The following CAMK2B variants were observed in gnomAD, a reference collection of about 807,000 sequenced individuals.
CAMK2B encodes the protein calcium/calmodulin-dependent protein kinase type II subunit beta.
Under a neutral mutation model 93.7 loss-of-function variants are expected in CAMK2B, and 27 were observed. The observed-to-expected ratio is 0.29, with a 90% CI of 0.21 to 0.40. The LOEUF is 0.40. CAMK2B is among the 10% of genes least tolerant of loss of function. The pLI is 1.00. For synonymous variants in CAMK2B, 374 were observed against 358.8 expected, an observed-to-expected ratio of 1.04 and a Z score of -0.48; for missense variants, 568 against 895.8, an observed-to-expected ratio of 0.63 and a Z score of 4.67.
At chr7:44,289,360 G>GA (rs1418112917) in intron 1 of CAMK2B, among the ~76,000 whole-genome samples, 7 of 152,236 alleles carry the variant, frequency 4.6e-5, no homozygotes, top group Non-Finnish European at 8.8e-5. Flanking sequence ...AGGGCCCAGA[G>GA]AGCAGGAAGG....
At chr7:44,317,476 G>A (rs1341506781) in intron 1 of CAMK2B, among the ~76,000 whole-genome samples, 1 of 152,110 alleles carries the variant, frequency 6.6e-6, no homozygotes, top group African/African-American at 2.4e-5. Context: ...TGTACAGATG[G>A]GGTTTTGCCA....
chr7:44,254,268 C>A (rs1370453492), intron 5 of CAMK2B, among the ~76,000 whole-genome samples: 2 of 152,240 alleles, frequency 1.3e-5, no homozygotes, highest in Non-Finnish European at 2.9e-5. Flanking sequence ...TGGATAGAGC[C>A]CAAGTTCCTC....
intron 1 of CAMK2B, among the ~76,000 whole-genome samples, chr7:44,297,189 T>C (rs1408821710): frequency 6.6e-6 from 1 of 152,228 alleles, no homozygotes; most frequent in Admixed American, 6.5e-5. Context: ...TTTGCATTAC[T>C]TCACTACATG....
At chr7:44,325,793 ACACCCTTGCCCCG>A (rs1797391856), upstream of CAMK2B, 1 of 138,702 alleles carries the variant, frequency 7.2e-6, no homozygotes, top group African/African-American at 2.8e-5. Context: ...CCCTGCACAC[ACACCCTTGCCCCG>A]CACCCGCAAC....
rs531823121 is a variant in CAMK2B, at chr7:44,253,906, T to G, written c.341+636A>C. ...AGCTACCATGCCTGGCCTCAGTTTT[T>G]TTTTTTTTTTTTTTTAAATACACAT... On this transcript the variant is annotated intron_variant, in intron 5 of 23. Coordinates refer to ENST00000395749, the MANE Select transcript of CAMK2B (RefSeq NM_001220.5). Among the ~76,000 whole-genome samples the G allele has an allele frequency of 2.9e-3, 435 of 149,768 alleles. 1 individual carries two copies. Among genetic ancestry groups the G allele is most frequent in the African/African-American group, 0.01 (412 of 41,056 alleles).
At chr7:44,301,980 C>G (rs1404207553) in intron 1 of CAMK2B, among the ~76,000 whole-genome samples, 2 of 151,794 alleles carry the variant, frequency 1.3e-5, no homozygotes, top group Non-Finnish European at 2.9e-5. Flanking sequence ...TTGAGAAGAT[C>G]AATAAAATTG....
upstream of CAMK2B, chr7:44,325,908 C>T (rs1797421474): frequency 7.1e-6 from 1 of 141,598 alleles, no homozygotes; most frequent in Non-Finnish European, 1.5e-5. Flanking sequence ...CTGACGCCTT[C>T]ATCCTCTACC....
intron 1 of CAMK2B, among the ~76,000 whole-genome samples, chr7:44,309,985 C>G (rs1253960909): frequency 6.6e-6 from 1 of 152,344 alleles, no homozygotes; most frequent in East Asian, 1.9e-4. Flanking sequence ...GCGGGAAGAG[C>G]CTTTCCGCCG....
At chr7:44,258,250 T>C (rs2096850771) in intron 4 of CAMK2B, among the ~76,000 whole-genome samples, 1 of 151,950 alleles carries the variant, frequency 6.6e-6, no homozygotes, top group Non-Finnish European at 1.5e-5. Flanking sequence ...TACACATGCA[T>C]GCACACACAT....
rs188734863 is a variant in CAMK2B, at chr7:44,225,117, C to T, written c.1597+1399G>A. ...GAAGGTGAGCCTGGACACCGAGCCCCGAGCTGGCCACTCCACACCCACCCT... is the reference window on the plus strand; with the variant it reads ...GAAGGTGAGCCTGGACACCGAGCCCTGAGCTGGCCACTCCACACCCACCCT... On this transcript the variant is annotated intron_variant, in intron 20 of 23. Transcript: ENST00000395749. This position sits in a 1 kb window ranked among gnomAD's most constrained non-coding sequence, Gnocchi z 5.0. Among the ~76,000 whole-genome samples, 56 of 152,158 alleles carry T rather than the reference C, an allele frequency of 3.7e-4. No individual in the cohort carries two copies. Among genetic ancestry groups the T allele is most frequent in the African/African-American group, 1.3e-3 (53 of 41,482 alleles).
chr7:44,318,969 C>T (rs536471065), intron 1 of CAMK2B, among the ~76,000 whole-genome samples: 1 of 152,348 alleles, frequency 6.6e-6, no homozygotes, highest in South Asian at 2.1e-4. Context: ...CACCACCTTT[C>T]TCTAACATAA....
chr7:44,261,728 C>T (rs554225201), intron 3 of CAMK2B, among the ~76,000 whole-genome samples: 13 of 152,308 alleles, frequency 8.5e-5, no homozygotes, highest in Admixed American at 2.0e-4. Flanking sequence ...GCACATCAGA[C>T]GGCAAATTCA....
chr7:44,228,938 G>C lies in CAMK2B; in HGVS notation c.1340-14C>G, dbSNP rs1214911579. The C allele has an allele frequency of 5.0e-6, 8 of 1,608,752 alleles. No individual in the cohort carries two copies. Among genetic ancestry groups the C allele is most frequent in the Admixed American group, 3.3e-5 (2 of 59,732 alleles). ...AGATCCTGGGGGCTGGGGTGGAACA[G>C]ATGAGACGTGAACATGAGGCAGACA... On this transcript the variant is annotated splice_polypyrimidine_tract_variant and intron_variant, in intron 18 of 23. Coordinates refer to ENST00000395749, the MANE Select transcript of CAMK2B (RefSeq NM_001220.5).
chr7:44,266,648 C>A (rs1359202635), intron 2 of CAMK2B, among the ~76,000 whole-genome samples: 1 of 152,220 alleles, frequency 6.6e-6, no homozygotes, highest in Non-Finnish European at 1.5e-5. Context: ...GCCAGCAGGC[C>A]TGTGGCGAGA....
Position 44,220,172 on chromosome 7 carries a change from G to A in CAMK2B, c.1891C>T (p.Arg631Trp), listed in dbSNP as rs768283399. 28 of 1,612,010 alleles carry A rather than the reference G, an allele frequency of 1.7e-5. No individual in the cohort carries two copies. The highest frequency in any genetic ancestry group is 5.3e-5 in the African/African-American group (4 of 74,934). The change falls in exon 23 of 24, where the codon CGG becomes TGG. Residue 631 changes from arginine to tryptophan, a missense_variant. Physicochemically the swap from Arg to Trp is moderately radical, Grantham distance 101. Transcript: ENST00000395749. Reference protein sequence around the residue: ...RLTQYIDGQGRPRTSQSEETR... With the variant: ...RLTQYIDGQGWPRTSQSEETR... Reference sequence around the variant, plus strand: ...TCCTCAGACTGGCTGGTGCGGGGCCGGCCCTGCCCGTCAATGTACTGCGTG... The same window carrying A: ...TCCTCAGACTGGCTGGTGCGGGGCCAGCCCTGCCCGTCAATGTACTGCGTG...
intron 13 of CAMK2B, 51 bp downstream of exon 13, chr7:44,239,538 G>T: frequency 6.8e-7 from 1 of 1,475,996 alleles, no homozygotes. Flanking sequence ...GCTGCATGCT[G>T]GCAGGAGGGA....
intron 16 of CAMK2B, among the ~76,000 whole-genome samples, chr7:44,232,362 G>T (rs917591952): frequency 1.3e-5 from 2 of 152,218 alleles, no homozygotes; most frequent in African/African-American, 4.8e-5. Flanking sequence ...CCAGAGTGAT[G>T]ATGCCAATGT....
intron 2 of CAMK2B, among the ~76,000 whole-genome samples, chr7:44,277,987 T>C (rs2097064595): frequency 6.6e-6 from 1 of 152,240 alleles, no homozygotes. Context: ...AAGGGTGTTA[T>C]GCTCTCCCAC....
intron 20 of CAMK2B, among the ~76,000 whole-genome samples, chr7:44,222,357 G>A (rs967639079): frequency 1.6e-4 from 25 of 152,088 alleles, no homozygotes; most frequent in African/African-American, 5.3e-4. Flanking sequence ...CTGTGGTGAC[G>A]TTTCCACTCT....
Sources: gnomAD v4.1 joint callset for allele counts (sites outside exome capture counted in the v4.1 genomes callset) on GRCh38, gnomAD v4.1.1 for gene constraint, Gnocchi (gnomAD v3.1) non-coding constraint, MANE v1.5 for transcripts, NCBI Gene and HGNC (gene_info 2026-07-23, HGNC 2026-07-21) for gene names.